Variants in SIM2 observed in about 807,000 individuals in gnomAD.
SIM2 encodes SIM bHLH transcription factor 2.
Under a neutral mutation model 64.8 loss-of-function variants are expected in SIM2, and 28 were observed. The observed-to-expected ratio is 0.43, with a 90% CI of 0.32 to 0.59. The LOEUF is 0.59. Among genes scored for constraint, SIM2 ranks in the 20% least tolerant of loss-of-function variants. The pLI, the probability that SIM2 is intolerant of heterozygous loss-of-function variation, is 0.07. For missense variants in SIM2, 847 were observed against 871.4 expected (o/e 0.97, Z 0.35); for synonymous variants, 408 against 391.1 (o/e 1.04, Z -0.51).
chr21:36,727,929 C>G (rs1262322317), intron 6 of SIM2, among the ~76,000 whole-genome samples: 2 of 152,196 alleles, frequency 1.3e-5, no homozygotes, highest in African/African-American at 4.8e-5. Flanking sequence ...TGTCGACACC[C>G]TTCAGGACCA....
intron 2 of SIM2, 145 bp downstream of exon 2, chr21:36,709,395 C>T: frequency 1.4e-6 from 1 of 735,254 alleles, no homozygotes; most frequent in Non-Finnish European, 2.4e-6. Context: ...GTCCCCACTG[C>T]GGAGGGATGG....
At chr21:36,737,379 C>T (rs75697022) in intron 7 of SIM2, among the ~76,000 whole-genome samples, 8,334 of 152,236 alleles carry the variant, frequency 0.055, 313 homozygotes, top group Middle Eastern at 0.085. Context: ...CTCTGCCTCC[C>T]CGCTTTCTTT....
chr21:36,700,056 G>A (rs2269188), intron 1 of SIM2, 135 bp downstream of exon 1: 2 of 913,682 alleles, frequency 2.2e-6, no homozygotes, highest in South Asian at 3.4e-5. Flanking sequence ...GGGAGGTTGC[G>A]TGAGGGTCTT....
At position 36,749,022 on chromosome 21, in the gene SIM2, G is replaced by A. The variant is rs1158250746; in HGVS notation, c.*930G>A. 1.3e-5 allele frequency: 2 copies of A among 152,634 alleles called. No homozygotes were observed. Among genetic ancestry groups the A allele is most frequent in the Admixed American group, 6.5e-5 (1 of 15,282 alleles). 9.5% of individuals were successfully genotyped at this position (152,634 alleles called of 1,614,324 possible). On this transcript the variant is annotated 3_prime_UTR_variant, in exon 11 of 11. Transcript: ENST00000290399. ...ACACTGTCAATGGACTGCACCTTGT[G>A]AAGGAAAAACATGCTTAAGGGGGTG... is the stretch of plus-strand genomic sequence containing the variant.
intron 3 of SIM2, among the ~76,000 whole-genome samples, chr21:36,713,750 TA>T (rs1028605581): frequency 5.9e-5 from 9 of 152,254 alleles, no homozygotes; most frequent in Middle Eastern, 3.2e-3. Context: ...CTTTTTTTTA[TA>T]AGCTTGCTAT....
chr21:36,735,137 A>AGCTGTCAGG (rs2089025413), intron 7 of SIM2, among the ~76,000 whole-genome samples: 1 of 152,128 alleles, frequency 6.6e-6, no homozygotes, highest in Admixed American at 6.5e-5. Flanking sequence ...TGAGGTATTG[A>AGCTGTCAGG]TACCCCTGTG....
Position 36,745,233 on chromosome 21 carries a change from C to T in SIM2, c.1576+97C>T. 3.4e-6 allele frequency: 5 copies of T among 1,486,426 alleles called. No individual in the cohort carries two copies. Among genetic ancestry groups the T allele is most frequent in the Non-Finnish European group, 4.5e-6 (5 of 1,115,820 alleles). 92.1% of individuals were successfully genotyped at this position (1,486,426 alleles called of 1,614,324 possible). A position where few individuals can be genotyped will look rare whatever the true frequency, so the allele number is the denominator to read the frequency against. On this transcript the variant is annotated intron_variant, in intron 10 of 10. Coordinates refer to ENST00000290399, the MANE Select transcript of SIM2 (RefSeq NM_005069.6). This position sits in a 1 kb window ranked among gnomAD's most constrained non-coding sequence, Gnocchi z 4.8. ...GGGTGGCAGATGGAGACAGAACCCTCACGCTTTGGGCAAACTTGCCCTCTT... is the reference window on the plus strand; with the variant it reads ...GGGTGGCAGATGGAGACAGAACCCTTACGCTTTGGGCAAACTTGCCCTCTT...
rs539962228 is a variant in SIM2 at position 36,708,187 on chromosome 21, C to A, written c.176-981C>A. On this transcript the variant is annotated intron_variant, in intron 1 of 10. Coordinates refer to ENST00000290399, the MANE Select transcript of SIM2 (RefSeq NM_005069.6). ...GGAGGGTCTGCGGCCAGGCTCCCGG[C>A]GGAAAGATTCCGGGGAGGGCTCGGG... Among the ~76,000 whole-genome samples, 44 of 152,282 alleles carry A rather than the reference C, an allele frequency of 2.9e-4. No homozygotes were observed. The East Asian group carries it at 4.3e-3, about 15-fold the overall frequency.
chr21:36,747,801 G>A lies in SIM2; in HGVS notation c.1713G>A (p.Leu571=). The change falls in exon 11 of 11, where the codon CTG becomes CTA. Residue 571 remains leucine (L), a synonymous_variant. Coordinates refer to ENST00000290399, the MANE Select transcript of SIM2 (RefSeq NM_005069.6). This position sits in a 1 kb window ranked among gnomAD's most constrained non-coding sequence, Gnocchi z 4.5. ...ARQAARDGAR[L]ALARAAPECC... ...AGGCCGCCCGGGACGGGGCGCGGCT[G>A]GCGCTGGCCCGCGCGGCACCCGAGT... 9.6e-7 allele frequency: 1 copy of A among 1,040,140 alleles called. No individual in the cohort carries two copies. Among genetic ancestry groups the A allele is most frequent in the African/African-American group, 1.7e-5 (1 of 58,080 alleles). 64.4% of individuals were successfully genotyped at this position (1,040,140 alleles called of 1,614,324 possible).
chr21:36,737,289 C>A (rs1295824894), intron 7 of SIM2, among the ~76,000 whole-genome samples: 1 of 152,226 alleles, frequency 6.6e-6, no homozygotes, highest in East Asian at 1.9e-4. Flanking sequence ...CACTGTGACC[C>A]TCCCACCCCA....
Position 36,741,752 on chromosome 21 carries a change from C to T in SIM2, c.886C>T (p.Arg296Trp), listed in dbSNP as rs746151538. The change falls in exon 8 of 11, where the codon CGG (arginine) becomes TGG (tryptophan). Residue 296 changes from arginine to tryptophan, a missense_variant. This residue lies in a region of SIM2 where 397 missense variants were observed against 439.2 expected (regional missense o/e 0.90). Transcript: ENST00000290399. ...VKGQVTTKYYRLLSKRGGWVW... is the reference protein window; with the variant it reads ...VKGQVTTKYYWLLSKRGGWVW... ...GGGCCAGGTCACCACCAAGTACTAC[C>T]GGCTGCTGTCCAAGCGGGGCGGCTG... 2 of 1,613,432 alleles carry T rather than the reference C, an allele frequency of 1.2e-6. No individual in the cohort carries two copies. The highest frequency in any genetic ancestry group is 1.3e-5 in the African/African-American group (1 of 74,936).
intron 1 of SIM2, among the ~76,000 whole-genome samples, chr21:36,707,627 A>G: frequency 6.6e-6 from 1 of 151,674 alleles, no homozygotes; most frequent in South Asian, 2.1e-4. Context: ...TAGTTGCCGA[A>G]TAGGGAAGGG....
chr21:36,706,476 CG>C (rs1200178454), intron 1 of SIM2, among the ~76,000 whole-genome samples: 1 of 152,204 alleles, frequency 6.6e-6, no homozygotes, highest in Non-Finnish European at 1.5e-5. Context: ...CCGCTAACCC[CG>C]AGGCGCCTAG....
chr21:36,714,646 C>A (rs1260277248), intron 3 of SIM2, among the ~76,000 whole-genome samples: 3 of 152,178 alleles, frequency 2.0e-5, no homozygotes, highest in African/African-American at 7.2e-5. Flanking sequence ...CCTATTAGGG[C>A]TGCTTGGTCA....
chr21:36,734,841 A>G (rs1260301533), intron 7 of SIM2, among the ~76,000 whole-genome samples: 2 of 152,140 alleles, frequency 1.3e-5, no homozygotes, highest in Admixed American at 6.5e-5. Context: ...CAGGTACAGA[A>G]CCTGGGCCAG....
chr21:36,720,023 G>C, intron 4 of SIM2, 94 bp downstream of exon 4: 1 of 892,074 alleles, frequency 1.1e-6, no homozygotes, highest in Non-Finnish European at 1.8e-6. Flanking sequence ...TCTGCCAAGT[G>C]GCTGGGCATG....
chr21:36,712,218 C>A (rs1257635882), intron 2 of SIM2, among the ~76,000 whole-genome samples: 1 of 152,132 alleles, frequency 6.6e-6, no homozygotes, highest in Non-Finnish European at 1.5e-5. Flanking sequence ...GCTAAAATAA[C>A]CCCAAACAAT....
In SIM2 at chr21:36,741,716, G is replaced by A; in HGVS notation, c.851-1G>A. ...GGACTCCTGTCACCTTGTGCTTGCAGTGTTGGTGAAGGGCCAGGTCACCAC... is the reference window on the plus strand; with the variant it reads ...GGACTCCTGTCACCTTGTGCTTGCAATGTTGGTGAAGGGCCAGGTCACCAC... On this transcript the variant is annotated splice_acceptor_variant, in intron 7 of 10. Transcript: ENST00000290399. LOFTEE classifies it high-confidence loss of function. 1 of 1,612,522 alleles carries A rather than the reference G, an allele frequency of 6.2e-7. No homozygotes were observed. The highest frequency in any genetic ancestry group is 2.2e-5 in the East Asian group (1 of 44,868).
At chr21:36,729,377 C>T (rs867101793) in intron 6 of SIM2, among the ~76,000 whole-genome samples, 3 of 152,072 alleles carry the variant, frequency 2.0e-5, no homozygotes, top group African/African-American at 7.2e-5. Context: ...GCCCCCTCCC[C>T]GCATCCCTCT....
Sources: gnomAD v4.1 joint callset for allele counts (sites outside exome capture counted in the v4.1 genomes callset) on GRCh38, gnomAD v4.1.1 for gene constraint, gnomAD v4.1.1 regional missense constraint, Gnocchi (gnomAD v3.1) non-coding constraint, MANE v1.5 for transcripts, NCBI Gene and HGNC (gene_info 2026-07-23, HGNC 2026-07-21) for gene names.